SPOCK1: variants seen among roughly 807,000 people sequenced by gnomAD.
SPOCK1 encodes the protein SPARC (osteonectin), cwcv and kazal like domains proteoglycan 1, also known as testican-1.
Under a neutral mutation model 55.3 loss-of-function variants are expected in SPOCK1, and 23 were observed. The ratio of observed to expected loss-of-function variants is 0.42; its 90% CI spans 0.30 to 0.59. The LOEUF (loss-of-function observed/expected upper bound fraction) is 0.59, where lower values mean the gene tolerates loss of function less well. Among genes scored for constraint, SPOCK1 ranks in the 20% least tolerant of loss-of-function variants. SPOCK1 has a pLI of 0.22. For synonymous variants in SPOCK1, 226 were observed against 221.0 expected (o/e 1.02, Z -0.20); for missense variants, 499 against 552.5 (o/e 0.90, Z 0.97).
At chr5:137,004,688 A>G (rs1002799249) in intron 6 of SPOCK1, among the ~76,000 whole-genome samples, 2 of 152,144 alleles carry the variant, frequency 1.3e-5, no homozygotes, top group Non-Finnish European at 2.9e-5. Flanking sequence ...ATAAACAACA[A>G]TGTACCCAGG....
At chr5:137,449,727 A>AAAAATAAAATAAAAT (rs374226935) in intron 2 of SPOCK1, among the ~76,000 whole-genome samples, 13 of 151,578 alleles carry the variant, frequency 8.6e-5, no homozygotes, top group African/African-American at 1.5e-4. Context: ...CATCTCTATG[A>AAAAATAAAATAAAAT]AAAATAAAAT....
intron 5 of SPOCK1, among the ~76,000 whole-genome samples, chr5:137,071,566 A>G (rs1261666082): frequency 6.6e-6 from 1 of 152,188 alleles, no homozygotes; most frequent in Non-Finnish European, 1.5e-5. Flanking sequence ...TAATATATAC[A>G]TTTTTATGTA....
intron 5 of SPOCK1, among the ~76,000 whole-genome samples, chr5:137,106,897 C>G (rs1357231419): frequency 6.6e-6 from 1 of 152,160 alleles, no homozygotes. Flanking sequence ...TGTGACCCAG[C>G]CACACTGACA....
chr5:136,990,460 G>C (rs575440543), intron 7 of SPOCK1, among the ~76,000 whole-genome samples: 57 of 150,892 alleles, frequency 3.8e-4, no homozygotes, highest in African/African-American at 1.3e-3. Context: ...ACGTTTTCTA[G>C]CTATTGTAAA....
intron 4 of SPOCK1, among the ~76,000 whole-genome samples, chr5:137,132,676 C>T (rs1753907714): frequency 1.3e-5 from 2 of 152,300 alleles, no homozygotes; most frequent in Admixed American, 6.5e-5. Context: ...GGGAATTCAA[C>T]CATAAAACAT....
intron 3 of SPOCK1, among the ~76,000 whole-genome samples, chr5:137,226,244 G>A (rs75287592): frequency 0.11 from 16,843 of 152,222 alleles, 1,168 homozygotes; most frequent in East Asian, 0.22. Context: ...TTTTCCTCAT[G>A]ACATGAAGAA....
intron 3 of SPOCK1, among the ~76,000 whole-genome samples, chr5:137,213,821 T>C (rs1490269978): frequency 6.6e-6 from 1 of 152,232 alleles, no homozygotes; most frequent in Non-Finnish European, 1.5e-5. Context: ...CTGGGGTTGC[T>C]GTTGTATACA....
intron 2 of SPOCK1, among the ~76,000 whole-genome samples, chr5:137,358,755 T>C (rs1294320688): frequency 6.6e-6 from 1 of 152,220 alleles, no homozygotes. Context: ...AAACTGTTTA[T>C]ATCAGAGTTT....
At chr5:137,035,325 C>A (rs1374285395) in intron 6 of SPOCK1, among the ~76,000 whole-genome samples, 2 of 152,160 alleles carry the variant, frequency 1.3e-5, no homozygotes, top group Admixed American at 1.3e-4. Context: ...TCACAGAACC[C>A]CTGGGGAAGA....
intron 2 of SPOCK1, among the ~76,000 whole-genome samples, chr5:137,326,907 G>A (rs536391171): frequency 6.6e-6 from 1 of 152,272 alleles, no homozygotes; most frequent in Middle Eastern, 3.4e-3. Context: ...TCCTCAAGTG[G>A]TGTGTATTTT....
At chr5:137,425,306 G>A (rs1201297235) in intron 2 of SPOCK1, among the ~76,000 whole-genome samples, 2 of 152,066 alleles carry the variant, frequency 1.3e-5, no homozygotes, top group African/African-American at 4.8e-5. Context: ...CTATGATCCT[G>A]GAGACATGAG....
chr5:137,041,460 T>C (rs968261869), intron 6 of SPOCK1, among the ~76,000 whole-genome samples: 2 of 152,168 alleles, frequency 1.3e-5, no homozygotes, highest in African/African-American at 4.8e-5. Flanking sequence ...AAAAAATAGA[T>C]AAGTTGGACT....
chr5:137,042,761 G>A (rs916767661), intron 6 of SPOCK1, among the ~76,000 whole-genome samples: 19 of 152,028 alleles, frequency 1.2e-4, no homozygotes, highest in African/African-American at 4.1e-4. Flanking sequence ...AAGCTATAAC[G>A]ACATGGTAAT....
At chr5:137,445,235 T>A (rs149099793) in intron 2 of SPOCK1, among the ~76,000 whole-genome samples, 24 of 152,326 alleles carry the variant, frequency 1.6e-4, no homozygotes, top group Admixed American at 1.2e-3. Flanking sequence ...TCACAAATTC[T>A]CTGCCCATTC....
At position 136,978,443 on chromosome 5, in the gene SPOCK1, CA is replaced by C. The variant is rs11377127; in HGVS notation, c.*210del. 2.3e-4 allele frequency: 86 copies of C among 381,866 alleles called. No individual in the cohort carries two copies. Among genetic ancestry groups the C allele is most frequent in the South Asian group, 9.6e-4 (8 of 8,362 alleles). 23.7% of individuals were successfully genotyped at this position (381,866 alleles called of 1,614,324 possible). On this transcript the variant is annotated 3_prime_UTR_variant, in exon 11 of 11. Transcript: ENST00000394945. ...TCCCTATCCAAAAAATAAACAACAA[CA>C]AAAAAAAAACACAACACCCTTTCTC...
chr5:137,109,367 A>C (rs2127030409), intron 5 of SPOCK1, among the ~76,000 whole-genome samples: 1 of 152,204 alleles, frequency 6.6e-6, no homozygotes, highest in African/African-American at 2.4e-5. Flanking sequence ...AGCTCTCTGC[A>C]CCCCATTGAC....
rs141354455 is a variant in SPOCK1 at position 137,186,789 on chromosome 5, T to C, written c.233-46095A>G. Among the ~76,000 whole-genome samples, 821 of 152,304 alleles carry C rather than the reference T, an allele frequency of 5.4e-3. 9 individuals carry two copies. Among genetic ancestry groups the C allele is most frequent in the African/African-American group, 0.018 (756 of 41,562 alleles). On this transcript the variant is annotated intron_variant, in intron 3 of 10. Coordinates refer to ENST00000394945, the MANE Select transcript of SPOCK1 (RefSeq NM_004598.4). ...TGGTCTCCATCCAGTGTATAGCTAC[T>C]GTCTTCACTGCCTCGCTTCCTCCCC...
intron 2 of SPOCK1, among the ~76,000 whole-genome samples, chr5:137,339,609 T>A (rs1444928187): frequency 6.6e-6 from 1 of 152,106 alleles, no homozygotes; most frequent in Admixed American, 6.5e-5. Flanking sequence ...CTTGGTAGTG[T>A]CTTAAAGCTC....
chr5:137,290,231 T>C (rs1757347653), intron 2 of SPOCK1, among the ~76,000 whole-genome samples: 1 of 152,198 alleles, frequency 6.6e-6, no homozygotes, highest in East Asian at 1.9e-4. Flanking sequence ...CAAATGGACA[T>C]TGTGTTATGT....
Sources: gnomAD v4.1 joint callset for allele counts (sites outside exome capture counted in the v4.1 genomes callset) on GRCh38, gnomAD v4.1.1 for gene constraint, MANE v1.5 for transcripts, NCBI Gene and HGNC (gene_info 2026-07-23, HGNC 2026-07-21) for gene names.